The following DOK7 variants were observed in gnomAD, a reference collection of about 807,000 sequenced individuals.
DOK7 encodes docking protein 7.
A neutral mutation model predicts 30.7 loss-of-function variants in DOK7; 32 were observed. That is an observed-to-expected ratio of 1.04 (90% CI 0.79 to 1.40). DOK7 has a LOEUF of 1.40. DOK7 is among the 40% of genes most tolerant of loss of function. The probability of loss-of-function intolerance (pLI) is 0.00; values close to 1 mark genes in which losing one functional copy is unlikely to be tolerated. For missense variants in DOK7, 1,007 were observed against 699.2 expected, an observed-to-expected ratio of 1.44 and a Z score of -4.97; for synonymous variants, 447 against 324.1, an observed-to-expected ratio of 1.38 and a Z score of -4.07.
In DOK7 at chr4:3,493,020, ACTCCTCTTACTCCAGCAGCCT is replaced by A. The variant is rs772146617; in HGVS notation, c.1038_1058del (p.Ser349_Tyr355del). On this transcript the variant is annotated inframe_deletion, in exon 7 of 7. Transcript: ENST00000340083. The stretch of plus-strand genomic sequence containing the variant: ...GACAGCGGCATCGCCACTGGCAGCC[ACTCCTCTTACTCCAGCAGCCT>A]CTCGTCCTACGCGGGCAGCAGCCTG... 5 of 1,567,558 alleles carry A rather than the reference ACTCCTCTTACTCCAGCAGCCT, an allele frequency of 3.2e-6. No individual in the cohort carries two copies. The highest frequency in any genetic ancestry group is 4.3e-6 in the Non-Finnish European group (5 of 1,161,572).
intron 6 of DOK7, among the ~76,000 whole-genome samples, chr4:3,490,290 A>C (rs1309026610): frequency 2.5e-4 from 15 of 59,712 alleles, no homozygotes; most frequent in African/African-American, 3.2e-4. Flanking sequence ...TTGCTCATTC[A>C]TTTCTTCCTC....
downstream of DOK7, among the ~76,000 whole-genome samples, chr4:3,494,813 G>T (rs1268616775): frequency 1.3e-5 from 2 of 152,182 alleles, no homozygotes; most frequent in African/African-American, 4.8e-5. Context: ...CCTCAGGAGG[G>T]GGCTGGCTCT....
At chr4:3,468,852 CGCGT>C (rs1726537448) in intron 2 of DOK7, among the ~76,000 whole-genome samples, 2 of 128,818 alleles carry the variant, frequency 1.6e-5, no homozygotes, top group African/African-American at 3.0e-5. Flanking sequence ...TATGTGTGTG[CGCGT>C]ATGAGTGTGC....
downstream of DOK7, among the ~76,000 whole-genome samples, chr4:3,495,246 G>A (rs747685206): frequency 9.9e-5 from 15 of 152,226 alleles, no homozygotes; most frequent in Non-Finnish European, 1.9e-4. Flanking sequence ...TGTCACCTCC[G>A]GAGGTGGCCG....
intron 5 of DOK7, 43 bp from the exon 6 acceptor site, chr4:3,489,634 C>T (rs369788416): frequency 7.6e-5 from 119 of 1,556,794 alleles, no homozygotes; most frequent in South Asian, 1.5e-4. Flanking sequence ...CGAGGGTGGG[C>T]GGTGGTGGCC....
intron 5 of DOK7, among the ~76,000 whole-genome samples, 183 bp downstream of exon 5, chr4:3,485,841 G>A (rs1037207850): frequency 1.3e-5 from 2 of 152,272 alleles, no homozygotes; most frequent in African/African-American, 4.8e-5. Context: ...CCCTGCTGAG[G>A]GATTCAGAGC....
rs931231952 is a variant in DOK7 at position 3,500,633 on chromosome 4, G to A, written c.1262-59G>A. On this transcript the variant is annotated intron_variant, in intron 7 of 7. Coordinates refer to the DOK7 transcript ENST00000643608. Reference sequence around the variant, plus strand: ...GGCTGGGGGACTGGTGTGGAGGGCAGGGTCACAGGGCTGGGTGGCTCGGGG... The same window carrying A: ...GGCTGGGGGACTGGTGTGGAGGGCAAGGTCACAGGGCTGGGTGGCTCGGGG... 8 of 1,534,836 alleles carry A rather than the reference G, an allele frequency of 5.2e-6. No homozygotes were observed. In the African/African-American group the frequency reaches 1.1e-4, roughly 21 times the overall value.
Position 3,493,468 on chromosome 4 carries a change from C to A in DOK7, c.1482C>A (p.Val494=). 6.2e-7 allele frequency: 1 copy of A among 1,610,946 alleles called. No homozygotes were observed. Among genetic ancestry groups the A allele is most frequent in the Non-Finnish European group, 8.5e-7 (1 of 1,179,252 alleles). ...CGGCTTTCTTTTCGGCATGTCCAGT[C>A]TGTGGAGGACTCAAGGTAAACCCCC... ...PPPAFFSACP[V]CGGLKVNPPP Residue 494 remains valine, a synonymous_variant, in exon 7 of 7, where the codon GTC becomes GTA. Transcript: ENST00000340083.
At chr4:3,500,555 T>C in intron 7 of DOK7, 1 of 1,485,114 alleles carries the variant, frequency 6.7e-7, no homozygotes, top group South Asian at 1.3e-5. Flanking sequence ...ACTCCATCCC[T>C]GGCCAGGCCA....
At chr4:3,489,592 C>T (rs927902795) in intron 5 of DOK7, 85 bp from the exon 6 acceptor site, 3 of 1,546,774 alleles carry the variant, frequency 1.9e-6, no homozygotes, top group African/African-American at 2.7e-5. Flanking sequence ...GGGGGATAAC[C>T]ACTGAGTCAG....
chr4:3,493,059 G>C lies in DOK7; in HGVS notation c.1073G>C (p.Ser358Thr). Residue 358 changes from serine (S) to threonine (T), a missense_variant, in exon 7 of 7, where the codon AGC becomes ACC. Physicochemically the swap from Ser to Thr is moderately conservative, Grantham distance 58. Coordinates refer to ENST00000340083, the MANE Select transcript of DOK7 (RefSeq NM_173660.5). ...YSSSLSSYAG[S>T]SLDVWRATDE... is the part of the protein sequence containing the mutation. ...AGCAGCCTCTCGTCCTACGCGGGCA[G>C]CAGCCTGGACGTGTGGCGGGCCACA... The C allele has an allele frequency of 6.3e-7, 1 of 1,575,288 alleles. No homozygotes were observed. The highest frequency in any genetic ancestry group is 1.8e-5 in the Admixed American group (1 of 55,486).
intron 4 of DOK7, chr4:3,484,699 G>C (rs1329346311): frequency 4.1e-6 from 4 of 985,384 alleles, no homozygotes; most frequent in Non-Finnish European, 4.8e-6. Flanking sequence ...GGGGGTGCAG[G>C]GGTGGATGCT....
chr4:3,475,277 C>T (rs1726996042), intron 3 of DOK7, among the ~76,000 whole-genome samples: 1 of 152,242 alleles, frequency 6.6e-6, no homozygotes. Flanking sequence ...AGGGCCATGG[C>T]ACAGAGGCCG....
intron 2 of DOK7, among the ~76,000 whole-genome samples, chr4:3,468,426 G>A (rs550239220): frequency 6.6e-5 from 10 of 150,462 alleles, no homozygotes; most frequent in East Asian, 2.0e-4. Context: ...GTGTGCCTGT[G>A]TGAATGTACA....
intron 3 of DOK7, among the ~76,000 whole-genome samples, chr4:3,474,021 C>A (rs1438501357): frequency 4.2e-5 from 6 of 141,550 alleles, no homozygotes; most frequent in East Asian, 2.5e-4. Context: ...AGCTTCCCCC[C>A]AAAACAGGAT....
At chr4:3,487,362 C>CGT (rs1727877134) in intron 5 of DOK7, among the ~76,000 whole-genome samples, 4 of 152,212 alleles carry the variant, frequency 2.6e-5, no homozygotes, top group Non-Finnish European at 5.9e-5. Flanking sequence ...ACTGGAGCCC[C>CGT]GTGATCACAG....
At chr4:3,473,720 G>A in intron 3 of DOK7, 84 bp downstream of exon 3, 1 of 1,313,266 alleles carries the variant, frequency 7.6e-7, no homozygotes, top group South Asian at 1.4e-5. Context: ...GCAGAGGTGG[G>A]AGCGGCTCCA....
Position 3,471,724 on chromosome 4 carries a change from G to T in DOK7, c.101-1682G>T, listed in dbSNP as rs145167478. On this transcript the variant is annotated intron_variant, in intron 2 of 6. Transcript: ENST00000340083. Reference sequence around the variant, plus strand: ...TTTGATTTCTCTCTTGGGGCCGGGCGTCCTGCTTCCTGCCTTGGAGTTTCC... The same window carrying T: ...TTTGATTTCTCTCTTGGGGCCGGGCTTCCTGCTTCCTGCCTTGGAGTTTCC... 4.6e-3 allele frequency among the ~76,000 whole-genome samples: 704 copies of T among 152,364 alleles called. 7 individuals are homozygous for T. The highest frequency in any genetic ancestry group is 0.015 in the African/African-American group (637 of 41,582).
chr4:3,463,458 G>GC lies in DOK7; in HGVS notation c.54+29_54+30insC. 3 of 1,424,572 alleles carry GC rather than the reference G, an allele frequency of 2.1e-6. No individual in the cohort carries two copies. The highest frequency in any genetic ancestry group is 9.1e-7 in the Non-Finnish European group (1 of 1,094,288). The allele number at this position is 1,424,572 out of a possible 1,614,324, so 88.2% of individuals were successfully genotyped here. ...GGGGCGCGTCGGGGGCGCGGGGGGG[G>GC]GGGGCGCGGGCGCGGGCGGCGGCTC... On this transcript the variant is annotated intron_variant, in intron 1 of 6. Coordinates refer to ENST00000340083, the MANE Select transcript of DOK7 (RefSeq NM_173660.5).
Sources: allele counts gnomAD v4.1 joint callset (sites outside exome capture counted in the v4.1 genomes callset), GRCh38; gene constraint gnomAD v4.1.1; transcripts MANE v1.5; gene names NCBI Gene and HGNC (gene_info 2026-07-23, HGNC 2026-07-21).